PPFIBP2: variants seen among roughly 807,000 people sequenced by gnomAD.
PPFIBP2 encodes the protein PPFIB scaffold protein 2, also known as liprin-beta-2.
Under a neutral mutation model 118.3 loss-of-function variants are expected in PPFIBP2, and 118 were observed. The observed-to-expected ratio is 1.00, with a 90% CI of 0.86 to 1.16. The LOEUF is 1.16. Ranked by LOEUF, PPFIBP2 falls within the 50% of genes most tolerant of loss-of-function variation. The probability of loss-of-function intolerance (pLI) is 0.00; values close to 1 mark genes in which losing one functional copy is unlikely to be tolerated. For missense variants in PPFIBP2, 1,195 were observed against 1,073.1 expected, an observed-to-expected ratio of 1.11 and a Z score of -1.59; for synonymous variants, 414 against 397.4, an observed-to-expected ratio of 1.04 and a Z score of -0.50.
intron 7 of PPFIBP2, among the ~76,000 whole-genome samples, 165 bp downstream of exon 7, chr11:7,621,192 A>G (rs975905986): frequency 1.3e-5 from 2 of 152,174 alleles, no homozygotes; most frequent in Admixed American, 6.5e-5. Flanking sequence ...GACTTGATCC[A>G]GGAAAGATCC....
At chr11:7,644,975 C>T (rs897425441) in intron 17 of PPFIBP2, among the ~76,000 whole-genome samples, 2 of 126,892 alleles carry the variant, frequency 1.6e-5, no homozygotes, top group Admixed American at 2.0e-4. Context: ...TGCAGTGAGC[C>T]GAGATCCCGC....
intron 3 of PPFIBP2, chr11:7,577,554 C>T (rs1175232690): frequency 2.2e-6 from 1 of 456,578 alleles, no homozygotes; most frequent in Non-Finnish European, 4.4e-6. Context: ...AGGGCTTTTT[C>T]CACCAAGGCA....
intron 3 of PPFIBP2, chr11:7,577,699 G>A: frequency 2.2e-6 from 1 of 455,538 alleles, no homozygotes; most frequent in Non-Finnish European, 4.4e-6. Flanking sequence ...AGACGCTTTG[G>A]GGTGTTTTGG....
intron 1 of PPFIBP2, among the ~76,000 whole-genome samples, chr11:7,526,196 G>T (rs1850209878): frequency 6.6e-6 from 1 of 152,210 alleles, no homozygotes; most frequent in Non-Finnish European, 1.5e-5. Flanking sequence ...AAAGGTTATA[G>T]ATCTAACTAA....
intron 1 of PPFIBP2, among the ~76,000 whole-genome samples, chr11:7,528,954 C>T (rs2134321485): frequency 6.6e-6 from 1 of 152,300 alleles, no homozygotes; most frequent in South Asian, 2.1e-4. Context: ...GCCCTGGTGG[C>T]CACGCCTTGC....
intron 1 of PPFIBP2, among the ~76,000 whole-genome samples, chr11:7,540,737 C>T (rs1005233882): frequency 6.6e-6 from 1 of 152,188 alleles, no homozygotes; most frequent in Non-Finnish European, 1.5e-5. Flanking sequence ...GATGGCTGTG[C>T]ACAGCTGCTG....
intron 5 of PPFIBP2, 179 bp downstream of exon 5, chr11:7,597,852 G>A (rs1860653371): frequency 3.4e-6 from 2 of 580,434 alleles, no homozygotes; most frequent in Non-Finnish European, 6.2e-6. Flanking sequence ...CGTTGAGAGT[G>A]GCAGAGGGGG....
chr11:7,557,749 C>G (rs1213924453), intron 2 of PPFIBP2, among the ~76,000 whole-genome samples: 1 of 152,044 alleles, frequency 6.6e-6, no homozygotes, highest in South Asian at 2.1e-4. Context: ...CATTCTAGAG[C>G]AGTTGTAGAG....
chr11:7,633,400 C>T (rs1371808592), intron 12 of PPFIBP2, among the ~76,000 whole-genome samples: 3 of 152,288 alleles, frequency 2.0e-5, no homozygotes, highest in Middle Eastern at 3.4e-3. Context: ...ATAATGGGCT[C>T]GCCTCTGAGG....
intron 5 of PPFIBP2, chr11:7,606,133 A>C: frequency 1.6e-6 from 2 of 1,214,016 alleles, no homozygotes; most frequent in Non-Finnish European, 2.2e-6. Flanking sequence ...GGATAGATGC[A>C]GATGGTCGGG....
chr11:7,526,596 G>A (rs944523945), intron 1 of PPFIBP2, among the ~76,000 whole-genome samples: 1 of 152,198 alleles, frequency 6.6e-6, no homozygotes, highest in Non-Finnish European at 1.5e-5. Context: ...AAGCGGCCGG[G>A]TGCGGTGGCT....
rs774444597 is a variant in PPFIBP2 at position 7,641,483 on chromosome 11, C to T, written c.1380C>T (p.Asp460=). 8 of 1,613,782 alleles carry T rather than the reference C, an allele frequency of 5.0e-6. No individual in the cohort carries two copies. The African/African-American group carries it at 8.0e-5, about 16-fold the overall frequency. The change falls in exon 16 of 24, where the codon GAC becomes GAT. Residue 460 remains aspartate, a synonymous_variant. Transcript: ENST00000299492. ...ATTGCCTTCTTCCAATCTCAGGAGACACAGAAAGTGGCTGGGACGACACTG... is the reference window on the plus strand; with the variant it reads ...ATTGCCTTCTTCCAATCTCAGGAGATACAGAAAGTGGCTGGGACGACACTG... ...ATGSSLLRLR[D]TESGWDDTAV... is the part of the protein sequence containing the mutation.
intron 4 of PPFIBP2, among the ~76,000 whole-genome samples, chr11:7,594,709 G>C (rs1014729026): frequency 1.3e-5 from 2 of 151,190 alleles, no homozygotes; most frequent in Non-Finnish European, 2.9e-5. Flanking sequence ...CTGAGGTTAG[G>C]AGTTGGAGAC....
At position 7,642,442 on chromosome 11, in the gene PPFIBP2, C is replaced by G; in HGVS notation, c.1646+16C>G. The G allele has an allele frequency of 6.2e-7, 1 of 1,604,928 alleles. No homozygotes were observed. Among genetic ancestry groups the G allele is most frequent in the Non-Finnish European group, 8.5e-7 (1 of 1,174,686 alleles). On this transcript the variant is annotated intron_variant, in intron 17 of 23. Coordinates refer to ENST00000299492, the MANE Select transcript of PPFIBP2 (RefSeq NM_003621.5). ...GACAGAAAAGGTAAGGCTTGACCCACTTTCCTTTGATCTCCCTGCTCTGAA... is the reference window on the plus strand; with the variant it reads ...GACAGAAAAGGTAAGGCTTGACCCAGTTTCCTTTGATCTCCCTGCTCTGAA...
intron 1 of PPFIBP2, among the ~76,000 whole-genome samples, chr11:7,540,059 A>G (rs971238745): frequency 6.6e-6 from 1 of 152,186 alleles, no homozygotes; most frequent in South Asian, 2.1e-4. Context: ...TTGGATCTAC[A>G]TGCAGGTCTG....
At chr11:7,604,507 C>T (rs967810730) in intron 5 of PPFIBP2, among the ~76,000 whole-genome samples, 12 of 149,646 alleles carry the variant, frequency 8.0e-5, no homozygotes, top group South Asian at 4.3e-4. Context: ...CCCACCCATA[C>T]ACACAGACAC....
chr11:7,661,169 T>C (rs1854882969), downstream of PPFIBP2, among the ~76,000 whole-genome samples: 1 of 151,034 alleles, frequency 6.6e-6, no homozygotes, highest in South Asian at 2.1e-4. Flanking sequence ...CTGATTTTAG[T>C]TATTTCTTGC....
intron 5 of PPFIBP2, among the ~76,000 whole-genome samples, chr11:7,603,003 C>A (rs1846860595): frequency 6.6e-6 from 1 of 152,182 alleles, no homozygotes; most frequent in Admixed American, 6.5e-5. Context: ...CATGAGCTAT[C>A]ACACAGTGAG....
rs1443479773 is a variant in PPFIBP2 at position 7,653,421 on chromosome 11, C to G, written c.*203C>G. Reference sequence around the variant, plus strand: ...TCTCTAAGGGGCCAGGCTTTGGGGACCATTGCCAAAGGTGGACTCAGGAGG... The same window carrying G: ...TCTCTAAGGGGCCAGGCTTTGGGGAGCATTGCCAAAGGTGGACTCAGGAGG... On this transcript the variant is annotated 3_prime_UTR_variant, in exon 24 of 24. Coordinates refer to ENST00000299492, the MANE Select transcript of PPFIBP2 (RefSeq NM_003621.5). 9.4e-6 allele frequency: 14 copies of G among 1,497,000 alleles called. No homozygotes were observed. Among genetic ancestry groups the G allele is most frequent in the Non-Finnish European group, 1.2e-5 (14 of 1,126,334 alleles). The allele number at this position is 1,497,000 out of a possible 1,614,324, so 92.7% of individuals were successfully genotyped here.
Sources: allele counts gnomAD v4.1 joint callset (sites outside exome capture counted in the v4.1 genomes callset), GRCh38; gene constraint gnomAD v4.1.1; transcripts MANE v1.5; gene names NCBI Gene and HGNC (gene_info 2026-07-23, HGNC 2026-07-21).